Variants in ATP1A4 observed in about 807,000 individuals in gnomAD.
ATP1A4 encodes ATPase Na+/K+ transporting subunit alpha 4.
ATP1A4 carries 90 observed loss-of-function variants against 114.3 expected under a neutral mutation model. The ratio of observed to expected loss-of-function variants is 0.79; its 90% CI spans 0.66 to 0.94. The LOEUF is 0.94. Ranked by LOEUF, ATP1A4 falls within the 40% of genes least tolerant of loss-of-function variation. The pLI is 0.00. For synonymous variants in ATP1A4, 511 were observed against 494.1 expected (o/e 1.03, Z -0.45); for missense variants, 1,222 against 1,313.6 (o/e 0.93, Z 1.08).
chr1:160,180,179 G>A (rs964417848), intron 18 of ATP1A4, among the ~76,000 whole-genome samples: 8 of 152,152 alleles, frequency 5.3e-5, no homozygotes, highest in South Asian at 2.1e-4. Flanking sequence ...CGCGGGTAAC[G>A]GCAACTGACT....
In ATP1A4 at chr1:160,177,679, T is replaced by A. The variant is rs908184766; in HGVS notation, c.2736+15T>A. 2 of 1,613,870 alleles carry A rather than the reference T, an allele frequency of 1.2e-6. No individual in the cohort carries two copies. The highest frequency in any genetic ancestry group is 2.7e-5 in the African/African-American group (2 of 75,024). Reference sequence around the variant, plus strand: ...GACAGCAGTGGGTGAGTAGAAGGGATAAGGTAGGAGCTGAGACCAGTAAGA... The same window carrying A: ...GACAGCAGTGGGTGAGTAGAAGGGAAAAGGTAGGAGCTGAGACCAGTAAGA... On this transcript the variant is annotated intron_variant, in intron 18 of 21. Coordinates refer to ENST00000368081, the MANE Select transcript of ATP1A4 (RefSeq NM_144699.4).
Position 160,181,671 on chromosome 1 carries a change from C to T in ATP1A4, c.2737-13C>T. 1 of 1,613,952 alleles carries T rather than the reference C, an allele frequency of 6.2e-7. No individual in the cohort carries two copies. Among genetic ancestry groups the T allele is most frequent in the Non-Finnish European group, 8.5e-7 (1 of 1,179,912 alleles). On this transcript the variant is annotated splice_polypyrimidine_tract_variant and intron_variant, in intron 18 of 21. Transcript: ENST00000368081. The stretch of plus-strand genomic sequence containing the variant: ...CCTTCTGACACTGTTTCCTCTCTCC[C>T]TGCTGTCTCTAGACCTATGAGCAAC...
chr1:160,152,650 C>T (rs1652498369), intron 1 of ATP1A4, among the ~76,000 whole-genome samples: 3 of 152,126 alleles, frequency 2.0e-5, no homozygotes, highest in Admixed American at 1.3e-4. Context: ...TTTAATTGGG[C>T]CTTCGTCTGC....
At chr1:160,171,843 T>C in intron 12 of ATP1A4, 86 bp downstream of exon 12, 3 of 1,362,020 alleles carry the variant, frequency 2.2e-6, no homozygotes, top group African/African-American at 2.9e-5. Context: ...AGATGCTTAA[T>C]ACCCTTAGTT....
At position 160,159,092 on chromosome 1, in the gene ATP1A4, C is replaced by G. The variant is rs1652776466; in HGVS notation, c.616C>G (p.Arg206Gly). The G allele has an allele frequency of 1.5e-5, 25 of 1,613,980 alleles. No homozygotes were observed. The highest frequency in any genetic ancestry group is 2.0e-5 in the Non-Finnish European group (24 of 1,179,962). ...GDLVEIKGGD[R>G]VPADLRLISA... ...CCTGGTGGAAATCAAGGGTGGAGACCGAGTCCCTGCTGACCTCCGGCTTAT... is the reference window on the plus strand; with the variant it reads ...CCTGGTGGAAATCAAGGGTGGAGACGGAGTCCCTGCTGACCTCCGGCTTAT... The change falls in exon 5 of 22, where the codon CGA (arginine) becomes GGA (glycine). Residue 206 changes from arginine to glycine, a missense_variant. Coordinates refer to ENST00000368081, the MANE Select transcript of ATP1A4 (RefSeq NM_144699.4).
chr1:160,167,723 T>G (rs748071656), intron 10 of ATP1A4, among the ~76,000 whole-genome samples: 1 of 152,206 alleles, frequency 6.6e-6, no homozygotes, highest in African/African-American at 2.4e-5. Context: ...TTGGTGAAAG[T>G]CATGTTAGAG....
chr1:160,179,977 G>A (rs182241628), intron 18 of ATP1A4, among the ~76,000 whole-genome samples: 1 of 152,308 alleles, frequency 6.6e-6, no homozygotes, highest in Non-Finnish European at 1.5e-5. Flanking sequence ...AATATCTAGA[G>A]TTTAAGGATG....
intron 6 of ATP1A4, among the ~76,000 whole-genome samples, chr1:160,163,844 C>A (rs1313273338): frequency 6.6e-6 from 1 of 152,232 alleles, no homozygotes; most frequent in East Asian, 1.9e-4. Flanking sequence ...CCACCAGCCC[C>A]ATCCTGTGGC....
Position 160,156,126 on chromosome 1 carries a change from A to G in ATP1A4, c.493A>G (p.Ile165Val). The G allele has an allele frequency of 6.2e-7, 1 of 1,613,640 alleles. No homozygotes were observed. The highest frequency in any genetic ancestry group is 8.5e-7 in the Non-Finnish European group (1 of 1,179,574). The change falls in exon 4 of 22, where the codon ATC (isoleucine) becomes GTC (valine). Residue 165 changes from isoleucine to valine, a missense_variant. Ile to Val is a conservative substitution (Grantham distance 29, BLOSUM62 3). Transcript: ENST00000368081. ...TTATCAGGAGGCCAAGAGCTCCAAG[A>G]TCATGGAGTCTTTTAAGAACATGGT... ...SYYQEAKSSKIMESFKNMVPQ... is the reference protein window; with the variant it reads ...SYYQEAKSSKVMESFKNMVPQ...
rs1225947870 is a variant in ATP1A4, at chr1:160,171,746, G to A, written c.1843G>A (p.Ala615Thr). ...TGATGCTGTGAGCAAGTGTCGCAGT[G>A]CAGGAATTAAGGTAAATACTTGCCC... ...VPDAVSKCRS[A>T]GIKVIMVTGD... The change falls in exon 12 of 22, where the codon GCA (alanine) becomes ACA (threonine). Residue 615 changes from alanine to threonine, a missense_variant. By Grantham distance (58) the Ala-to-Thr change is moderately conservative. Coordinates refer to ENST00000368081, the MANE Select transcript of ATP1A4 (RefSeq NM_144699.4). 5 of 1,613,936 alleles carry A rather than the reference G, an allele frequency of 3.1e-6. No individual in the cohort carries two copies. The African/African-American group carries it at 5.3e-5, about 17-fold the overall frequency.
At chr1:160,162,898 C>T (rs979136921) in intron 6 of ATP1A4, among the ~76,000 whole-genome samples, 3 of 152,118 alleles carry the variant, frequency 2.0e-5, no homozygotes, top group African/African-American at 7.2e-5. Context: ...ATAATAAAGG[C>T]CTTCTTGACA....
chr1:160,166,466 A>G lies in ATP1A4; in HGVS notation c.1048-62A>G, dbSNP rs532614284. The G allele has an allele frequency of 3.2e-5, 50 of 1,586,708 alleles. No individual in the cohort carries two copies. In the East Asian group the frequency reaches 1.1e-3, roughly 34 times the overall value. ...CATTAAAAATGATCAAATATCCACAATGCAAAATGGTGTGAGTATTCCATC... is the reference window on the plus strand; with the variant it reads ...CATTAAAAATGATCAAATATCCACAGTGCAAAATGGTGTGAGTATTCCATC... On this transcript the variant is annotated intron_variant, in intron 7 of 21. Transcript: ENST00000368081.
At chr1:160,164,033 T>A in intron 6 of ATP1A4, 123 bp from the exon 7 acceptor site, 1 of 1,254,254 alleles carries the variant, frequency 8.0e-7, no homozygotes, top group South Asian at 1.5e-5. Context: ...CAAAAGATTC[T>A]CCTAGCACCC....
chr1:160,162,172 G>A (rs535219628), intron 6 of ATP1A4, among the ~76,000 whole-genome samples: 10 of 152,288 alleles, frequency 6.6e-5, no homozygotes, highest in African/African-American at 1.4e-4. Context: ...CTGAACTTCC[G>A]GCCCTGAGTC....
Position 160,156,072 on chromosome 1 carries a change from G to A in ATP1A4, c.439G>A (p.Val147Met), listed in dbSNP as rs772367102. 1.6e-5 allele frequency: 26 copies of A among 1,613,634 alleles called. No individual in the cohort carries two copies. Among genetic ancestry groups the A allele is most frequent in the Admixed American group, 3.3e-5 (2 of 59,998 alleles). ...CTACCTGAGCATCGTACTGTCCGTCGTGGTCATCGTCACTGGCTGCTTCTC... is the reference window on the plus strand; with the variant it reads ...CTACCTGAGCATCGTACTGTCCGTCATGGTCATCGTCACTGGCTGCTTCTC... ...NLYLSIVLSVVVIVTGCFSYY... is the reference protein window; with the variant it reads ...NLYLSIVLSVMVIVTGCFSYY... Residue 147 changes from valine to methionine, a missense_variant, in exon 4 of 22, where the codon GTG (valine) becomes ATG (methionine). Transcript: ENST00000368081.
chr1:160,174,789 A>C (rs775143363), intron 15 of ATP1A4, 42 bp downstream of exon 15: 1 of 1,611,390 alleles, frequency 6.2e-7, no homozygotes, highest in Non-Finnish European at 8.5e-7. Flanking sequence ...TCAACCCTGG[A>C]CTCAGGTGGG....
At chr1:160,153,925 T>G (rs1652546068) in intron 2 of ATP1A4, among the ~76,000 whole-genome samples, 1 of 152,180 alleles carries the variant, frequency 6.6e-6, no homozygotes, top group Non-Finnish European at 1.5e-5. Flanking sequence ...CTCGGGTGTT[T>G]CAGGCAGAGG....
In ATP1A4 at chr1:160,176,135, C is replaced by A. The variant is rs752739610; in HGVS notation, c.2355C>A (p.Thr785=). Residue 785 remains threonine, a synonymous_variant, in exon 16 of 22, where the codon ACC becomes ACA. Coordinates refer to ENST00000368081, the MANE Select transcript of ATP1A4 (RefSeq NM_144699.4). The stretch of plus-strand genomic sequence containing the variant: ...ACCTGAAGAAATCCATCATGTACAC[C>A]CTGACCAGCAACATCCCCGAGATCA... The part of the protein sequence containing the change: ...FDNLKKSIMY[T]LTSNIPEITP... The A allele has an allele frequency of 5.0e-6, 8 of 1,614,000 alleles. No homozygotes were observed. In the South Asian group the frequency reaches 8.8e-5, roughly 18 times the overall value.
chr1:160,155,268 A>G lies in ATP1A4; in HGVS notation c.411+20A>G, dbSNP rs1348374978. On this transcript the variant is annotated intron_variant, in intron 3 of 21. Transcript: ENST00000368081. Reference sequence around the variant, plus strand: ...GACAACGTGAGTCTCTTCAGCTACTACTAGCCAGCCCTATCTCTGCTTAGC... The same window carrying G: ...GACAACGTGAGTCTCTTCAGCTACTGCTAGCCAGCCCTATCTCTGCTTAGC... 1.2e-6 allele frequency: 2 copies of G among 1,600,256 alleles called. No individual in the cohort carries two copies. The highest frequency in any genetic ancestry group is 1.7e-6 in the Non-Finnish European group (2 of 1,171,720).
Sources: allele counts gnomAD v4.1 joint callset (sites outside exome capture counted in the v4.1 genomes callset), GRCh38; gene constraint gnomAD v4.1.1; transcripts MANE v1.5; gene names NCBI Gene and HGNC (gene_info 2026-07-23, HGNC 2026-07-21).